ZNF875: variants seen among roughly 807,000 people sequenced by gnomAD.
ZNF875 encodes HKR1, GLI-Kruppel zinc finger family member.
A neutral mutation model predicts 11.2 loss-of-function variants in ZNF875; 14 were observed. The ratio of observed to expected loss-of-function variants is 1.26; its 90% CI spans 0.83 to 1.96. The LOEUF (loss-of-function observed/expected upper bound fraction) is 1.96. Among genes scored for constraint, ZNF875 ranks in the 30% most tolerant of loss-of-function variants. ZNF875 has a pLI of 0.00. For missense variants in ZNF875, 752 were observed against 760.4 expected (o/e 0.99, Z 0.13); for synonymous variants, 301 against 281.1 (o/e 1.07, Z -0.71).
intron 4 of ZNF875, chr19:37,358,546 G>A (rs1311897829): frequency 2.1e-5 from 3 of 146,278 alleles, no homozygotes; most frequent in East Asian, 4.0e-4. Context: ...TTGAGATGAA[G>A]TCTCACTCTG....
upstream of ZNF875, among the ~76,000 whole-genome samples, chr19:37,332,403 G>A (rs944864039): frequency 2.6e-5 from 4 of 152,150 alleles, no homozygotes; most frequent in African/African-American, 4.8e-5. Flanking sequence ...TTTTAATAGA[G>A]ATGGGGTTTC....
rs200176071 is a variant in ZNF875 at position 37,347,789 on chromosome 19, C to G, written c.173C>G (p.Ser58Cys). 238 of 1,612,372 alleles carry G rather than the reference C, an allele frequency of 1.5e-4. No individual in the cohort carries two copies. Among genetic ancestry groups the G allele is most frequent in the Non-Finnish European group, 1.9e-4 (225 of 1,178,416 alleles). ...NHLVSLEIPS[S>C]KPKLIAQLER... The stretch of plus-strand genomic sequence containing the variant: ...TCCCTATGAACAGAAATTCCATCTT[C>G]TAAACCAAAACTCATTGCTCAGCTG... The change falls in exon 4 of 5, where the codon TCT becomes TGT. Residue 58 changes from serine (S) to cysteine (C), a missense_variant. Physicochemically the swap from Ser to Cys is moderately radical, Grantham distance 112. Transcript: ENST00000392153.
Position 37,362,777 on chromosome 19 carries a change from C to A in ZNF875, c.925C>A (p.Pro309Thr), listed in dbSNP as rs2040171909. The change falls in exon 5 of 5, where the codon CCT becomes ACT. Residue 309 changes from proline to threonine, a missense_variant. Physicochemically the swap from Pro to Thr is conservative, Grantham distance 38. Transcript: ENST00000392153. ...THQRTHSGEK[P>T]YVCKDCGRGF... is the part of the protein sequence containing the mutation. ...TCAGAGGACACACTCAGGGGAGAAA[C>A]CTTATGTGTGCAAGGATTGTGGACG... The A allele has an allele frequency of 3.7e-6, 6 of 1,613,812 alleles. No individual in the cohort carries two copies. The highest frequency in any genetic ancestry group is 5.1e-6 in the Non-Finnish European group (6 of 1,179,910).
intron 4 of ZNF875, among the ~76,000 whole-genome samples, chr19:37,326,118 A>T (rs146088803): frequency 7.2e-4 from 110 of 152,314 alleles, no homozygotes; most frequent in African/African-American, 2.6e-3. Flanking sequence ...CTGGGATTAC[A>T]GATGTGAGCC....
upstream of ZNF875, among the ~76,000 whole-genome samples, chr19:37,330,962 G>A (rs2033279900): frequency 6.6e-6 from 1 of 151,978 alleles, no homozygotes; most frequent in East Asian, 2.0e-4. Context: ...TGAGGCGGGT[G>A]GATCACGAGG....
At chr19:37,345,003 C>A (rs190214110) in intron 2 of ZNF875, 192 of 458,642 alleles carry the variant, frequency 4.2e-4, no homozygotes, top group Non-Finnish European at 7.1e-4. Context: ...CACTCACATA[C>A]CCATCACCTA....
intron 1 of ZNF875, among the ~76,000 whole-genome samples, chr19:37,320,452 A>G (rs1015156440): frequency 6.6e-6 from 1 of 152,186 alleles, no homozygotes; most frequent in African/African-American, 2.4e-5. Context: ...GCTACTTGCT[A>G]TTGTTACTTA....
chr19:37,357,710 AT>A (rs926367717), intron 4 of ZNF875, among the ~76,000 whole-genome samples: 26 of 147,572 alleles, frequency 1.8e-4, no homozygotes, highest in Non-Finnish European at 2.3e-4. Flanking sequence ...ACTTTACTGA[AT>A]TTTTTTTTTT....
At chr19:37,336,057 A>G (rs1210599558) in intron 2 of ZNF875, among the ~76,000 whole-genome samples, 3 of 152,182 alleles carry the variant, frequency 2.0e-5, no homozygotes, top group African/African-American at 7.2e-5. Flanking sequence ...AGAGACATAC[A>G]TGCGTAATTG....
upstream of ZNF875, among the ~76,000 whole-genome samples, chr19:37,313,945 A>T (rs1192925105): frequency 6.6e-6 from 1 of 152,120 alleles, no homozygotes; most frequent in Non-Finnish European, 1.5e-5. Flanking sequence ...TTTGTTATTG[A>T]TCATAATTCA....
In ZNF875 at chr19:37,340,870, G is replaced by A. The variant is rs554882237; in HGVS notation, c.33+5613G>A. On this transcript the variant is annotated intron_variant, in intron 2 of 4. Transcript: ENST00000392153. ...TCACCTTGTCAGCCAGGATGGTCTC[G>A]ATCTCCTGACCTCATGATCTATCCA... 9.3e-4 allele frequency among the ~76,000 whole-genome samples: 142 copies of A among 151,878 alleles called. 1 individual carries two copies. Among genetic ancestry groups the A allele is most frequent in the Admixed American group, 1.6e-3 (24 of 15,266 alleles).
chr19:37,324,239 A>C (rs2032028420), exon 4 of ZNF875: 1 of 152,132 alleles, frequency 6.6e-6, no homozygotes, highest in Admixed American at 6.5e-5. Context: ...CAGGGAGGAG[A>C]CCTGAAGACC....
chr19:37,326,041 C>G (rs2032378168), intron 4 of ZNF875, among the ~76,000 whole-genome samples: 1 of 151,970 alleles, frequency 6.6e-6, no homozygotes, highest in Admixed American at 6.6e-5. Flanking sequence ...TGAGGTCTTG[C>G]TATGTTGCCC....
At chr19:37,341,930 C>T (rs2035804129) in intron 2 of ZNF875, among the ~76,000 whole-genome samples, 2 of 152,222 alleles carry the variant, frequency 1.3e-5, no homozygotes, top group African/African-American at 2.4e-5. Context: ...AGGAATTAAG[C>T]ATAGAGGAGG....
intron 4 of ZNF875, among the ~76,000 whole-genome samples, chr19:37,354,880 A>G (rs1012263765): frequency 1.3e-5 from 2 of 152,212 alleles, no homozygotes; most frequent in African/African-American, 4.8e-5. Flanking sequence ...TTGAAGCAGC[A>G]TGAGACCATC....
chr19:37,349,640 C>T (rs2037463391), intron 4 of ZNF875, among the ~76,000 whole-genome samples: 1 of 151,888 alleles, frequency 6.6e-6, no homozygotes, highest in South Asian at 2.1e-4. Flanking sequence ...CAATCTGTGG[C>T]CTACCTCCTT....
rs766387092 is a variant in ZNF875, at chr19:37,363,283, A to G, written c.1431A>G (p.Pro477=). The G allele has an allele frequency of 6.2e-7, 1 of 1,612,310 alleles. No individual in the cohort carries two copies. The highest frequency in any genetic ancestry group is 2.2e-5 in the East Asian group (1 of 44,744). The part of the protein sequence containing the change: ...KHQRSHTGEK[P]FVCTECGRGF... The stretch of plus-strand genomic sequence containing the variant: ...AGAGGTCACACACGGGGGAGAAGCC[A>G]TTTGTATGTACGGAGTGTGGGCGAG... The change falls in exon 5 of 5, where the codon CCA becomes CCG. Residue 477 remains proline (P), a synonymous_variant. Transcript: ENST00000392153.
upstream of ZNF875, among the ~76,000 whole-genome samples, chr19:37,316,177 T>C (rs1599837768): frequency 6.6e-6 from 1 of 152,122 alleles, no homozygotes. Flanking sequence ...AACACTGACT[T>C]TACTGACAAG....
intron 4 of ZNF875, chr19:37,357,831 T>G (rs151061602): frequency 2.5e-6 from 1 of 395,684 alleles, no homozygotes; most frequent in African/African-American, 2.1e-5. Flanking sequence ...CAGAGATAAT[T>G]TGACTCCCTC....
Sources: gnomAD v4.1 joint callset for allele counts (sites outside exome capture counted in the v4.1 genomes callset) on GRCh38, gnomAD v4.1.1 for gene constraint, MANE v1.5 for transcripts, NCBI Gene and HGNC (gene_info 2026-07-23, HGNC 2026-07-21) for gene names.